The following GSX2 variants were observed in gnomAD, a reference collection of about 807,000 sequenced individuals.
The protein encoded by GSX2 is genetic-screened homeobox 2.
A neutral mutation model predicts 19.2 loss-of-function variants in GSX2; 16 were observed. That is an observed-to-expected ratio of 0.84 (90% CI 0.57 to 1.27). The LOEUF (loss-of-function observed/expected upper bound fraction) is 1.27. Ranked by LOEUF, GSX2 falls within the 50% of genes most tolerant of loss-of-function variation. The pLI is 0.00. For missense variants in GSX2, 448 were observed against 428.4 expected (o/e 1.05, Z -0.40); for synonymous variants, 217 against 196.4 (o/e 1.10, Z -0.88).
At position 54,101,536 on chromosome 4, in the gene GSX2, C is replaced by T. The variant is rs771570989; in HGVS notation, c.575-46C>T. ...CTGGTTAGCACATGGGGTGGGAGCACCTTGCCCGAGCCTTACCTCTCTACC... is the reference window on the plus strand; with the variant it reads ...CTGGTTAGCACATGGGGTGGGAGCATCTTGCCCGAGCCTTACCTCTCTACC... On this transcript the variant is annotated intron_variant, in intron 1 of 1. Transcript: ENST00000326902. This position sits in a 1 kb window ranked among gnomAD's most constrained non-coding sequence, Gnocchi z 5.0. The T allele has an allele frequency of 7.2e-7, 1 of 1,386,242 alleles. No individual in the cohort carries two copies. The allele number at this position is 1,386,242 out of a possible 1,614,324, so 85.9% of individuals were successfully genotyped here. A position where few individuals can be genotyped will look rare whatever the true frequency, so the allele number is the denominator to read the frequency against.
In GSX2 at chr4:54,100,702, C is replaced by A. The variant is rs796644145; in HGVS notation, c.358C>A (p.Pro120Thr). The part of the protein sequence containing the change: ...SSAPGDAQFC[P>T]RVNHAHHHHH... Reference sequence around the variant, plus strand: ...GGCTCCTGGGGACGCGCAGTTTTGCCCGCGGGTGAACCATGCGCATCATCA... The same window carrying A: ...GGCTCCTGGGGACGCGCAGTTTTGCACGCGGGTGAACCATGCGCATCATCA... Residue 120 changes from proline (P) to threonine (T), a missense_variant, in exon 1 of 2, where the codon CCG becomes ACG. Coordinates refer to ENST00000326902, the MANE Select transcript of GSX2 (RefSeq NM_133267.3). 12 of 1,549,306 alleles carry A rather than the reference C, an allele frequency of 7.7e-6. No homozygotes were observed. The South Asian group carries it at 1.2e-4, about 15-fold the overall frequency.
In GSX2 at chr4:54,101,943, A is replaced by G; in HGVS notation, c.*21A>G. 1 of 1,538,310 alleles carries G rather than the reference A, an allele frequency of 6.5e-7. No homozygotes were observed. The highest frequency in any genetic ancestry group is 1.4e-5 in the African/African-American group (1 of 73,528). On this transcript the variant is annotated 3_prime_UTR_variant, in exon 2 of 2. Transcript: ENST00000326902. This position sits in a 1 kb window ranked among gnomAD's most constrained non-coding sequence, Gnocchi z 5.0. The stretch of plus-strand genomic sequence containing the variant: ...TATGAGGGAGGGCCTCCTCCCTCAC[A>G]TCCCCCGCTCCTGGCAGACCAGGCA...
rs768136730 is a variant in GSX2 at position 54,100,527 on chromosome 4, C to T, written c.183C>T (p.Cys61=). The part of the protein sequence containing the change: ...PSRKSGAFCV[C]PLCVTSHLHS... ...GCAAGAGCGGCGCGTTCTGCGTGTG[C>T]CCTCTCTGCGTCACTTCGCACCTGC... Residue 61 remains cysteine (C), a synonymous_variant, in exon 1 of 2, where the codon TGC becomes TGT. Coordinates refer to ENST00000326902, the MANE Select transcript of GSX2 (RefSeq NM_133267.3). 7 of 1,612,354 alleles carry T rather than the reference C, an allele frequency of 4.3e-6. No homozygotes were observed. The highest frequency in any genetic ancestry group is 5.9e-6 in the Non-Finnish European group (7 of 1,179,592).
rs61737615 is a variant in GSX2, at chr4:54,101,631, G to T, written c.624G>T (p.Ala208=). 4.3e-6 allele frequency: 7 copies of T among 1,614,100 alleles called. No individual in the cohort carries two copies. The highest frequency in any genetic ancestry group is 5.9e-6 in the Non-Finnish European group (7 of 1,179,982). The change falls in exon 2 of 2, where the codon GCG becomes GCT. Residue 208 remains alanine, a synonymous_variant. Coordinates refer to ENST00000326902, the MANE Select transcript of GSX2 (RefSeq NM_133267.3). This position sits in a 1 kb window ranked among gnomAD's most constrained non-coding sequence, Gnocchi z 5.0. ...CCAATGGCAAGAGGATGAGGACGGC[G>T]TTCACTAGCACGCAACTCCTGGAGC... ...QVPNGKRMRT[A]FTSTQLLELE...
Position 54,100,260 on chromosome 4 carries a change from G to A in GSX2, c.-85G>A. ...CAAGGGCTTGACTGCCCGTGTCTGC[G>A]CGGCTCCCAGGGCAGAGCTTAGAAC... On this transcript the variant is annotated 5_prime_UTR_variant, in exon 1 of 2. Coordinates refer to ENST00000326902, the MANE Select transcript of GSX2 (RefSeq NM_133267.3). 1.9e-6 allele frequency: 3 copies of A among 1,558,976 alleles called. No individual in the cohort carries two copies. Among genetic ancestry groups the A allele is most frequent in the Non-Finnish European group, 2.6e-6 (3 of 1,158,198 alleles).
rs1410623436 is a variant in GSX2, at chr4:54,101,830, G to T, written c.823G>T (p.Val275Phe). The change falls in exon 2 of 2, where the codon GTC becomes TTC. Residue 275 changes from valine (V) to phenylalanine (F), a missense_variant. Transcript: ENST00000326902. This position sits in a 1 kb window ranked among gnomAD's most constrained non-coding sequence, Gnocchi z 5.0. ...QRNSHAGCKC[V>F]GSQVHYARSE... ...GAACAGTCACGCGGGCTGCAAGTGC[G>T]TCGGGAGCCAGGTGCACTACGCGCG... 5 of 1,614,076 alleles carry T rather than the reference G, an allele frequency of 3.1e-6. No homozygotes were observed. The highest frequency in any genetic ancestry group is 1.3e-5 in the African/African-American group (1 of 74,928).
chr4:54,100,621 A>T lies in GSX2; in HGVS notation c.277A>T (p.Ser93Cys). The part of the protein sequence containing the change: ...AGAGVTGAGG[S>C]GVAGAAGALP... The stretch of plus-strand genomic sequence containing the variant: ...GGCCGGGGTTACCGGGGCCGGAGGC[A>T]GTGGGGTGGCAGGGGCCGCAGGGGC... The change falls in exon 1 of 2, where the codon AGT (serine) becomes TGT (cysteine). Residue 93 changes from serine to cysteine, a missense_variant. By Grantham distance (112) the Ser-to-Cys change is moderately radical. Coordinates refer to ENST00000326902, the MANE Select transcript of GSX2 (RefSeq NM_133267.3). 1 of 1,552,664 alleles carries T rather than the reference A, an allele frequency of 6.4e-7. No individual in the cohort carries two copies. Among genetic ancestry groups the T allele is most frequent in the Non-Finnish European group, 8.7e-7 (1 of 1,148,834 alleles).
chr4:54,100,947 T>C (rs1718162863), intron 1 of GSX2, 29 bp downstream of exon 1: 1 of 1,521,562 alleles, frequency 6.6e-7, no homozygotes, highest in Non-Finnish European at 8.8e-7. Flanking sequence ...GCACCTGCGC[T>C]CCGCGCCTTT....
chr4:54,102,103 TTATC>T lies in GSX2; in HGVS notation c.*184_*187del, dbSNP rs1420057685. 1 of 586,176 alleles carries T rather than the reference TTATC, an allele frequency of 1.7e-6. No homozygotes were observed. The highest frequency in any genetic ancestry group is 1.9e-5 in the African/African-American group (1 of 53,578). 36.3% of individuals were successfully genotyped at this position (586,176 alleles called of 1,614,324 possible). The stretch of plus-strand genomic sequence containing the variant: ...CCTTCGCGTCTCCTTCTTGACCTGT[TTATC>T]TAGGACTCCAACTTGAAGTTACAGA... On this transcript the variant is annotated 3_prime_UTR_variant, in exon 2 of 2. Coordinates refer to ENST00000326902, the MANE Select transcript of GSX2 (RefSeq NM_133267.3).
Position 54,101,703 on chromosome 4 carries a change from G to T in GSX2, c.696G>T (p.Arg232Ser), listed in dbSNP as rs1186752770. ...SSNMYLSRLR[R>S]IEIATYLNLS... is the part of the protein sequence containing the mutation. ...ACATGTACCTGTCTCGACTCCGGAGGATTGAAATCGCCACTTACCTGAACC... is the reference window on the plus strand; with the variant it reads ...ACATGTACCTGTCTCGACTCCGGAGTATTGAAATCGCCACTTACCTGAACC... The change falls in exon 2 of 2, where the codon AGG (arginine) becomes AGT (serine). Residue 232 changes from arginine to serine, a missense_variant. Physicochemically the swap from Arg to Ser is moderately radical, Grantham distance 110. Transcript: ENST00000326902. This position sits in a 1 kb window ranked among gnomAD's most constrained non-coding sequence, Gnocchi z 5.0. 1 of 1,614,238 alleles carries T rather than the reference G, an allele frequency of 6.2e-7. No individual in the cohort carries two copies. The highest frequency in any genetic ancestry group is 1.7e-5 in the Admixed American group (1 of 60,030).
At position 54,101,111 on chromosome 4, in the gene GSX2, T is replaced by C. The variant is rs1037000519; in HGVS notation, c.574+193T>C. Among the ~76,000 whole-genome samples, 2 of 152,236 alleles carry C rather than the reference T, an allele frequency of 1.3e-5. No individual in the cohort carries two copies. The highest frequency in any genetic ancestry group is 2.9e-5 in the Non-Finnish European group (2 of 68,042). ...AGTTTGCCAGCTTCTCCACTCAGCC[T>C]GGTGCGTTTTACTCCTAGTAGTAGG... On this transcript the variant is annotated intron_variant, in intron 1 of 1. Transcript: ENST00000326902. The surrounding 1 kb of genome is among the most constrained non-coding windows in gnomAD (Gnocchi z 5.0).
chr4:54,101,787 G>C lies in GSX2; in HGVS notation c.780G>C (p.Glu260Asp). The C allele has an allele frequency of 6.2e-7, 1 of 1,614,272 alleles. No individual in the cohort carries two copies. The highest frequency in any genetic ancestry group is 2.2e-5 in the East Asian group (1 of 44,886). ...FQNRRVKHKK[E>D]GKGTQRNSHA... ...ACCGCCGAGTGAAGCACAAGAAGGA[G>C]GGGAAGGGCACGCAGAGGAACAGTC... The change falls in exon 2 of 2, where the codon GAG becomes GAC. Residue 260 changes from glutamate to aspartate, a missense_variant. Coordinates refer to ENST00000326902, the MANE Select transcript of GSX2 (RefSeq NM_133267.3). The surrounding 1 kb of genome is among the most constrained non-coding windows in gnomAD (Gnocchi z 5.0).
Position 54,101,302 on chromosome 4 carries a change from G to T in GSX2, c.575-280G>T, listed in dbSNP as rs1215360469. On this transcript the variant is annotated intron_variant, in intron 1 of 1. Transcript: ENST00000326902. This position sits in a 1 kb window ranked among gnomAD's most constrained non-coding sequence, Gnocchi z 5.0. ...TCTTGACGTTTTTGGCTAAGCCTGC[G>T]CGCTTCTCCGCTTGGCTCAAAGGGA... Among the ~76,000 whole-genome samples the T allele has an allele frequency of 2.6e-5, 4 of 152,182 alleles. No homozygotes were observed. Among genetic ancestry groups the T allele is most frequent in the Admixed American group, 6.5e-5 (1 of 15,286 alleles).
rs1560411361 is a variant in GSX2 at position 54,101,938 on chromosome 4, C to CA, written c.*16_*17insA. On this transcript the variant is annotated 3_prime_UTR_variant, in exon 2 of 2. Transcript: ENST00000326902. This position sits in a 1 kb window ranked among gnomAD's most constrained non-coding sequence, Gnocchi z 5.0. ...CCCCTTATGAGGGAGGGCCTCCTCC[C>CA]TCACATCCCCCGCTCCTGGCAGACC... 7 of 1,549,636 alleles carry CA rather than the reference C, an allele frequency of 4.5e-6. No homozygotes were observed. In the South Asian group the frequency reaches 8.5e-5, roughly 19 times the overall value.
Position 54,100,643 on chromosome 4 carries a change from G to A in GSX2, c.299G>A (p.Gly100Glu). ...GGCAGTGGGGTGGCAGGGGCCGCAGGGGCACTGCCTCTGCTTAAGGGCCAG... is the reference window on the plus strand; with the variant it reads ...GGCAGTGGGGTGGCAGGGGCCGCAGAGGCACTGCCTCTGCTTAAGGGCCAG... ...AGGSGVAGAAGALPLLKGQFS... is the reference protein window; with the variant it reads ...AGGSGVAGAAEALPLLKGQFS... The change falls in exon 1 of 2, where the codon GGG becomes GAG. Residue 100 changes from glycine (G) to glutamate (E), a missense_variant. Physicochemically the swap from Gly to Glu is moderately conservative, Grantham distance 98. Transcript: ENST00000326902. 6.5e-7 allele frequency: 1 copy of A among 1,547,606 alleles called. No individual in the cohort carries two copies. Among genetic ancestry groups the A allele is most frequent in the Non-Finnish European group, 8.7e-7 (1 of 1,146,052 alleles).
Position 54,100,337 on chromosome 4 carries a change from CT to C in GSX2, c.-7del. On this transcript the variant is annotated 5_prime_UTR_variant, in exon 1 of 2. Coordinates refer to ENST00000326902, the MANE Select transcript of GSX2 (RefSeq NM_133267.3). ...TGCCGGGGCTTCCAGCCACCCACCC[CT>C]CTCGACATGTCGCGCTCCTTCTATG... is the stretch of plus-strand genomic sequence containing the variant. 2 of 1,612,720 alleles carry C rather than the reference CT, an allele frequency of 1.2e-6. No individual in the cohort carries two copies. Among genetic ancestry groups the C allele is most frequent in the African/African-American group, 1.3e-5 (1 of 75,056 alleles).
Position 54,100,545 on chromosome 4 carries a change from G to T in GSX2, c.201G>T (p.Ser67=), listed in dbSNP as rs774874463. The T allele has an allele frequency of 1.2e-6, 2 of 1,609,102 alleles. No homozygotes were observed. The highest frequency in any genetic ancestry group is 1.7e-4 in the Middle Eastern group (1 of 6,058). The part of the protein sequence containing the change: ...AFCVCPLCVT[S]HLHSSRGSVG... ...GCGTGTGCCCTCTCTGCGTCACTTC[G>T]CACCTGCACTCCTCTCGGGGGTCTG... The change falls in exon 1 of 2, where the codon TCG becomes TCT. Residue 67 remains serine, a synonymous_variant. Transcript: ENST00000326902.
At position 54,101,516 on chromosome 4, in the gene GSX2, T is replaced by C; in HGVS notation, c.575-66T>C. The C allele has an allele frequency of 9.1e-7, 1 of 1,096,670 alleles. No individual in the cohort carries two copies. The highest frequency in any genetic ancestry group is 2.4e-5 in the East Asian group (1 of 41,672). The allele number at this position is 1,096,670 out of a possible 1,614,324, so 67.9% of individuals were successfully genotyped here. On this transcript the variant is annotated intron_variant, in intron 1 of 1. Coordinates refer to ENST00000326902, the MANE Select transcript of GSX2 (RefSeq NM_133267.3). The surrounding 1 kb of genome is among the most constrained non-coding windows in gnomAD (Gnocchi z 5.0). Reference sequence around the variant, plus strand: ...GTGGGTCCCTGAAATGCGTCCTGGTTAGCACATGGGGTGGGAGCACCTTGC... The same window carrying C: ...GTGGGTCCCTGAAATGCGTCCTGGTCAGCACATGGGGTGGGAGCACCTTGC...
chr4:54,101,474 C>T lies in GSX2; in HGVS notation c.575-108C>T. 2.9e-6 allele frequency: 2 copies of T among 678,100 alleles called. No homozygotes were observed. The highest frequency in any genetic ancestry group is 1.9e-5 in the South Asian group (1 of 53,754). The allele number at this position is 678,100 out of a possible 1,614,324, so 42.0% of individuals were successfully genotyped here. On this transcript the variant is annotated intron_variant, in intron 1 of 1. Coordinates refer to ENST00000326902, the MANE Select transcript of GSX2 (RefSeq NM_133267.3). The surrounding 1 kb of genome is among the most constrained non-coding windows in gnomAD (Gnocchi z 5.0). ...GAAATGGGAAAGGGATACAGATGTT[C>T]GGCTGGGCTTCCCCGGGTGGGTCCC...
Sources: allele counts gnomAD v4.1 joint callset (sites outside exome capture counted in the v4.1 genomes callset), GRCh38; gene constraint gnomAD v4.1.1; non-coding constraint Gnocchi (gnomAD v3.1); transcripts MANE v1.5; gene names NCBI Gene and HGNC (gene_info 2026-07-23, HGNC 2026-07-21).